The following CRACR2A variants were observed in gnomAD, a reference collection of about 807,000 sequenced individuals.
CRACR2A encodes the protein calcium release activated channel regulator 2A.
In CRACR2A, 79 loss-of-function variants were observed where a neutral mutation model predicts 90.5. The ratio of observed to expected loss-of-function variants is 0.87; its 90% CI spans 0.73 to 1.05. The LOEUF is 1.05. CRACR2A is among the 50% of genes least tolerant of loss of function. The pLI, the probability that CRACR2A is intolerant of heterozygous loss-of-function variation, is 0.00. For missense variants in CRACR2A, 823 were observed against 897.2 expected, an observed-to-expected ratio of 0.92 and a Z score of 1.06; for synonymous variants, 338 against 356.7, an observed-to-expected ratio of 0.95 and a Z score of 0.59.
At chr12:3,751,330 T>A (rs1199047337) in intron 1 of CRACR2A, among the ~76,000 whole-genome samples, 1 of 152,158 alleles carries the variant, frequency 6.6e-6, no homozygotes, top group Non-Finnish European at 1.5e-5. Flanking sequence ...CCCCTCATGG[T>A]GACTGCAATG....
intron 8 of CRACR2A, 86 bp downstream of exon 8, chr12:3,659,478 G>A (rs1944983368): frequency 8.6e-7 from 1 of 1,162,408 alleles, no homozygotes; most frequent in Admixed American, 1.8e-5. Context: ...GTGCATGGAT[G>A]GGGGCACCAA....
intron 1 of CRACR2A, among the ~76,000 whole-genome samples, chr12:3,741,668 T>G (rs1417149420): frequency 2.6e-5 from 4 of 152,162 alleles, no homozygotes; most frequent in African/African-American, 9.7e-5. Context: ...TGCTGCTGCC[T>G]AGCATGGCTT....
At chr12:3,640,791 C>T in intron 13 of CRACR2A, 4 of 1,305,286 alleles carry the variant, frequency 3.1e-6, no homozygotes, top group Non-Finnish European at 4.0e-6. Flanking sequence ...TATGTGGACA[C>T]AGCACATGCC....
chr12:3,649,136 C>T (rs547323040), intron 10 of CRACR2A, among the ~76,000 whole-genome samples: 10 of 151,806 alleles, frequency 6.6e-5, no homozygotes, highest in Admixed American at 3.3e-4. Context: ...TGCTAAATGA[C>T]GAGTTAATGG....
intron 2 of CRACR2A, chr12:3,726,180 A>T (rs1946260033): frequency 6.6e-6 from 1 of 151,632 alleles, no homozygotes; most frequent in Non-Finnish European, 1.5e-5. Flanking sequence ...ATATATAAAT[A>T]CATACTATAT....
chr12:3,689,984 T>A (rs142641672), intron 4 of CRACR2A, among the ~76,000 whole-genome samples: 395 of 152,240 alleles, frequency 2.6e-3, no homozygotes, highest in African/African-American at 8.1e-3. Context: ...TTTTGTGTAG[T>A]CAGTAGTAAT....
At chr12:3,685,090 C>T (rs73049144) in intron 4 of CRACR2A, among the ~76,000 whole-genome samples, 2 of 152,216 alleles carry the variant, frequency 1.3e-5, no homozygotes, top group Admixed American at 6.5e-5. Context: ...TGGAACCTAT[C>T]CCCAAGCATG....
chr12:3,745,123 ACCAAAGGC>A (rs1275390409), intron 1 of CRACR2A, among the ~76,000 whole-genome samples: 1 of 152,092 alleles, frequency 6.6e-6, no homozygotes, highest in Non-Finnish European at 1.5e-5. Context: ...CAGATGCCAC[ACCAAAGGC>A]CCTGTGAGTC....
chr12:3,633,671 C>T lies in CRACR2A; in HGVS notation c.1668G>A (p.Val556=). 5.2e-6 allele frequency: 8 copies of T among 1,551,744 alleles called. No individual in the cohort carries two copies. Among genetic ancestry groups the T allele is most frequent in the Non-Finnish European group, 7.0e-6 (8 of 1,147,004 alleles). ...FKIVFVGNSA[V]GKTSFLRRFC... is the part of the protein sequence containing the mutation. ...ATCTCCTCAGGAAGGATGTCTTCCC[C>T]ACCGCGGAATTGCCCACGAACACAA... The change falls in exon 15 of 20, where the codon GTG becomes GTA. Residue 556 remains valine (V), a synonymous_variant. Coordinates refer to ENST00000440314, the MANE Select transcript of CRACR2A (RefSeq NM_001144958.2). This position sits in a 1 kb window ranked among gnomAD's most constrained non-coding sequence, Gnocchi z 4.5.
At chr12:3,737,768 C>A (rs1262099614) in intron 1 of CRACR2A, among the ~76,000 whole-genome samples, 2 of 152,222 alleles carry the variant, frequency 1.3e-5, no homozygotes, top group Non-Finnish European at 2.9e-5. Flanking sequence ...TGGATACTCC[C>A]ACAAGGCCAC....
At chr12:3,645,082 C>A (rs563617698) in intron 11 of CRACR2A, among the ~76,000 whole-genome samples, 2 of 152,210 alleles carry the variant, frequency 1.3e-5, no homozygotes, top group African/African-American at 4.8e-5. Context: ...ACTCTTCTAG[C>A]CATCAAGGTC....
At chr12:3,656,089 T>C (rs1944900957) in intron 9 of CRACR2A, among the ~76,000 whole-genome samples, 1 of 152,214 alleles carries the variant, frequency 6.6e-6, no homozygotes, top group South Asian at 2.1e-4. Context: ...CGTGGGGGAA[T>C]GCTCGGCAAC....
At chr12:3,683,907 G>A (rs1277345534) in intron 4 of CRACR2A, among the ~76,000 whole-genome samples, 2 of 152,198 alleles carry the variant, frequency 1.3e-5, no homozygotes, top group Non-Finnish European at 2.9e-5. Context: ...CAGCCCAACT[G>A]CTAATTCTCA....
intron 8 of CRACR2A, 66 bp downstream of exon 8, chr12:3,659,498 C>T: frequency 6.8e-7 from 1 of 1,467,208 alleles, no homozygotes; most frequent in Non-Finnish European, 9.5e-7. Flanking sequence ...AAATCTTAAA[C>T]CTGGGGGAGA....
chr12:3,651,400 GT>G (rs1350619093), intron 10 of CRACR2A, among the ~76,000 whole-genome samples: 2 of 152,250 alleles, frequency 1.3e-5, no homozygotes, highest in Non-Finnish European at 2.9e-5. Context: ...TCGGGGCTAT[GT>G]GGGGGACACA....
At chr12:3,722,737 C>A (rs1458574676) in intron 2 of CRACR2A, among the ~76,000 whole-genome samples, 2 of 152,172 alleles carry the variant, frequency 1.3e-5, no homozygotes, top group Non-Finnish European at 2.9e-5. Flanking sequence ...AATAGTCCCC[C>A]TCCACTCTCT....
chr12:3,617,050 C>T lies in CRACR2A; in HGVS notation c.2035-20G>A, dbSNP rs369414947. The T allele has an allele frequency of 1.8e-5, 27 of 1,539,548 alleles. No homozygotes were observed. Among genetic ancestry groups the T allele is most frequent in the Middle Eastern group, 3.3e-4 (2 of 5,994 alleles). ...GTTCTCCTAGAATCATAAAACAGAGCGAATACAAGAGTATTGGAGTGAGAG... is the reference window on the plus strand; with the variant it reads ...GTTCTCCTAGAATCATAAAACAGAGTGAATACAAGAGTATTGGAGTGAGAG... On this transcript the variant is annotated intron_variant, in intron 18 of 19. Transcript: ENST00000440314.
chr12:3,750,171 G>A (rs1946684624), intron 1 of CRACR2A, among the ~76,000 whole-genome samples: 2 of 151,850 alleles, frequency 1.3e-5, no homozygotes, highest in Non-Finnish European at 2.9e-5. Flanking sequence ...TCTGACCTCA[G>A]GTGATCCACC....
Position 3,696,776 on chromosome 12 carries a change from A to C in CRACR2A, c.224T>G (p.Met75Arg), listed in dbSNP as rs1436488500. The C allele has an allele frequency of 4.3e-6, 7 of 1,614,084 alleles. No individual in the cohort carries two copies. Among genetic ancestry groups the C allele is most frequent in the Middle Eastern group, 1.6e-4 (1 of 6,084 alleles). The part of the protein sequence containing the change: ...EGKGFIARKD[M>R]QRLHKELPLS... ...CCTACCTGGGACCCCACTTACCTGCATATCCTTCCTGGCGATGAAGCCCTT... is the reference window on the plus strand; with the variant it reads ...CCTACCTGGGACCCCACTTACCTGCCTATCCTTCCTGGCGATGAAGCCCTT... The change falls in exon 4 of 20, where the codon ATG becomes AGG. Residue 75 changes from methionine (M) to arginine (R), a missense_variant. By Grantham distance (91) the Met-to-Arg change is moderately conservative (BLOSUM62 -1). Coordinates refer to ENST00000440314, the MANE Select transcript of CRACR2A (RefSeq NM_001144958.2).
Sources: gnomAD v4.1 joint callset for allele counts (sites outside exome capture counted in the v4.1 genomes callset) on GRCh38, gnomAD v4.1.1 for gene constraint, Gnocchi (gnomAD v3.1) non-coding constraint, MANE v1.5 for transcripts, NCBI Gene and HGNC (gene_info 2026-07-23, HGNC 2026-07-21) for gene names.